The following HERC3 variants were observed in gnomAD, a reference collection of about 807,000 sequenced individuals.
HERC3 encodes probable E3 ubiquitin-protein ligase HERC3.
In HERC3, 58 loss-of-function variants were observed where a neutral mutation model predicts 129.9. The observed-to-expected ratio is 0.45, with a 90% CI of 0.36 to 0.56. HERC3 has a LOEUF of 0.56. Ranked by LOEUF, HERC3 falls within the 20% of genes least tolerant of loss-of-function variation. The pLI, the probability that HERC3 is intolerant of heterozygous loss-of-function variation, is 0.00. For missense variants in HERC3, 835 were observed against 1,244.2 expected, an observed-to-expected ratio of 0.67 and a Z score of 4.95; for synonymous variants, 430 against 451.0, an observed-to-expected ratio of 0.95 and a Z score of 0.59.
chr4:88,554,602 A>G, the HERC3 span, among the ~76,000 whole-genome samples: 1 of 152,224 alleles, frequency 6.6e-6, no homozygotes. Context: ...TCAGCTGCCA[A>G]ATAAAGTTTT....
At chr4:88,685,951 A>C (rs771613232) in intron 21 of HERC3, among the ~76,000 whole-genome samples, 2 of 152,184 alleles carry the variant, frequency 1.3e-5, no homozygotes, top group Non-Finnish European at 2.9e-5. Context: ...GTGAACAACT[A>C]TGACAGTTTT....
intron 14 of HERC3, among the ~76,000 whole-genome samples, chr4:88,668,936 G>A (rs1302259683): frequency 6.6e-6 from 1 of 152,062 alleles, no homozygotes. Flanking sequence ...GCCTTTTGGG[G>A]GCACATTTTC....
chr4:88,655,551 G>A (rs553922999), intron 8 of HERC3, among the ~76,000 whole-genome samples: 12 of 152,270 alleles, frequency 7.9e-5, no homozygotes, highest in African/African-American at 2.9e-4. Flanking sequence ...GTGGGGAAGG[G>A]ATAAAGAAAG....
Position 88,676,232 on chromosome 4 carries a change from A to C in HERC3, c.1926A>C (p.Ser642=), listed in dbSNP as rs1732151155. The change falls in exon 17 of 26, where the codon TCA becomes TCC. Residue 642 remains serine (S), a synonymous_variant. Transcript: ENST00000402738. The stretch of plus-strand genomic sequence containing the variant: ...TCTTTACACAGAAGGCTAGACCATC[A>C]ATAATACAGGTAAATGATCCTTTTT... ...LHQAGMKARP[S]IIQDTVTLCS... The C allele has an allele frequency of 6.4e-7, 1 of 1,571,166 alleles. No homozygotes were observed. The highest frequency in any genetic ancestry group is 1.1e-5 in the South Asian group (1 of 89,908).
chr4:88,607,285 G>A (rs1027590755), intron 3 of HERC3, among the ~76,000 whole-genome samples: 1 of 152,100 alleles, frequency 6.6e-6, no homozygotes, highest in Non-Finnish European at 1.5e-5. Flanking sequence ...ATATAAAGGT[G>A]CAATACTTGT....
intron 3 of HERC3, among the ~76,000 whole-genome samples, chr4:88,632,353 TGTAAC>T (rs1358990515): frequency 2.5e-4 from 38 of 152,352 alleles, no homozygotes; most frequent in African/African-American, 8.9e-4. Context: ...CCCAGAATCT[TGTAAC>T]GTAATATCCA....
intron 16 of HERC3, among the ~76,000 whole-genome samples, chr4:88,675,804 ATG>A (rs3836635): frequency 1.3e-5 from 2 of 150,718 alleles, no homozygotes; most frequent in East Asian, 1.9e-4. Flanking sequence ...GCCTGTGTGT[ATG>A]TGTGTGTGTG....
At chr4:88,604,166 T>C (rs1723350939) in intron 2 of HERC3, among the ~76,000 whole-genome samples, 1 of 152,182 alleles carries the variant, frequency 6.6e-6, no homozygotes, top group Admixed American at 6.5e-5. Context: ...ATTACAGGCA[T>C]GCGCCACCGC....
intron 12 of HERC3, among the ~76,000 whole-genome samples, chr4:88,666,016 G>A (rs1034476738): frequency 6.6e-6 from 1 of 152,158 alleles, no homozygotes; most frequent in Non-Finnish European, 1.5e-5. Context: ...AGAACCCAGC[G>A]ATGCTGCTAA....
chr4:88,576,274 G>A, the HERC3 span, among the ~76,000 whole-genome samples: 30 of 152,042 alleles, frequency 2.0e-4, no homozygotes, highest in Non-Finnish European at 4.4e-5. Context: ...TTCCACCCTT[G>A]CCGTCTTTCC....
chr4:88,550,584 G>A, the HERC3 span, among the ~76,000 whole-genome samples: 1 of 152,166 alleles, frequency 6.6e-6, no homozygotes, highest in Non-Finnish European at 1.5e-5. Flanking sequence ...CAAGGGACGT[G>A]AAGGACCTCT....
At chr4:88,601,882 C>T (rs1578142800) in intron 2 of HERC3, among the ~76,000 whole-genome samples, 1 of 108,438 alleles carries the variant, frequency 9.2e-6, no homozygotes, top group East Asian at 3.0e-4. Context: ...CGGTGAAACC[C>T]CGTCTCTACT....
chr4:88,706,473 C>T (rs1427497617), intron 25 of HERC3, among the ~76,000 whole-genome samples: 2 of 152,194 alleles, frequency 1.3e-5, no homozygotes, highest in Non-Finnish European at 2.9e-5. Flanking sequence ...CTTCTGTTTT[C>T]CCCTTAAGAT....
At chr4:88,558,967 CAAA>C in the HERC3 span, among the ~76,000 whole-genome samples, 53 of 111,860 alleles carry the variant, frequency 4.7e-4, no homozygotes, top group Middle Eastern at 5.1e-3. Context: ...GACTCTGTCT[CAAA>C]AAAAAAAAAA....
chr4:88,643,255 A>G (rs1438031373), intron 3 of HERC3, among the ~76,000 whole-genome samples: 1 of 152,226 alleles, frequency 6.6e-6, no homozygotes, highest in Non-Finnish European at 1.5e-5. Context: ...CTGTAGAGAC[A>G]TATTGTGTTC....
At chr4:88,578,938 C>T in the HERC3 span, among the ~76,000 whole-genome samples, 1 of 152,126 alleles carries the variant, frequency 6.6e-6, no homozygotes. Flanking sequence ...AAAGTAGAAA[C>T]ATTGTGACTG....
chr4:88,563,782 C>T, the HERC3 span, among the ~76,000 whole-genome samples: 2 of 151,866 alleles, frequency 1.3e-5, no homozygotes, highest in Admixed American at 6.6e-5. Context: ...GCCTCAGCCT[C>T]CAAGTAGCTG....
At chr4:88,642,576 C>T (rs1453363953) in intron 3 of HERC3, among the ~76,000 whole-genome samples, 1 of 152,162 alleles carries the variant, frequency 6.6e-6, no homozygotes, top group Non-Finnish European at 1.5e-5. Context: ...GCCAAGGTGC[C>T]AACAGATTTG....
At chr4:88,632,247 A>G (rs1279515566) in intron 3 of HERC3, among the ~76,000 whole-genome samples, 1 of 152,160 alleles carries the variant, frequency 6.6e-6, no homozygotes, top group Non-Finnish European at 1.5e-5. Context: ...ATAGATAACC[A>G]CTCAGACTGG....
Sources: allele counts gnomAD v4.1 joint callset (sites outside exome capture counted in the v4.1 genomes callset), GRCh38; gene constraint gnomAD v4.1.1; transcripts MANE v1.5; gene names NCBI Gene and HGNC (gene_info 2026-07-23, HGNC 2026-07-21).